SS18L1: variants seen among roughly 807,000 people sequenced by gnomAD.
SS18L1 encodes SS18L1 subunit of BAF chromatin remodeling complex, also known as calcium-responsive transactivator.
In SS18L1, 32 loss-of-function variants were observed where a neutral mutation model predicts 70.3. The observed-to-expected ratio is 0.46, with a 90% CI of 0.34 to 0.61. The LOEUF (loss-of-function observed/expected upper bound fraction) is 0.61. SS18L1 is among the 20% of genes least tolerant of loss of function. SS18L1 has a pLI of 0.01. For missense variants in SS18L1, 430 were observed against 542.1 expected (o/e 0.79, Z 2.05); for synonymous variants, 237 against 229.7 (o/e 1.03, Z -0.29).
intron 1 of SS18L1, among the ~76,000 whole-genome samples, chr20:62,150,425 C>T (rs899159230): frequency 6.6e-6 from 1 of 152,176 alleles, no homozygotes; most frequent in African/African-American, 2.4e-5. Context: ...ACCAGCTCTC[C>T]GGTTAGCCAG....
At chr20:62,173,236 G>A (rs925010608) in intron 9 of SS18L1, among the ~76,000 whole-genome samples, 2 of 152,180 alleles carry the variant, frequency 1.3e-5, no homozygotes, top group African/African-American at 4.8e-5. Flanking sequence ...AGCCTTCACT[G>A]CAGCTTACAA....
intron 5 of SS18L1, 30 bp from the exon 6 acceptor site, chr20:62,163,428 G>A (rs1417481651): frequency 2.5e-6 from 4 of 1,610,970 alleles, no homozygotes; most frequent in South Asian, 1.1e-5. Flanking sequence ...GCTTCCCGGG[G>A]TGATGTGGGG....
At chr20:62,172,361 C>T (rs867628865) in intron 8 of SS18L1, among the ~76,000 whole-genome samples, 1 of 151,954 alleles carries the variant, frequency 6.6e-6, no homozygotes, top group Non-Finnish European at 1.5e-5. Flanking sequence ...CTGCAAAGAC[C>T]CTATGTCCAA....
Position 62,159,928 on chromosome 20 carries a change from C to T in SS18L1, c.198C>T (p.Asp66=), listed in dbSNP as rs568427390. The T allele has an allele frequency of 6.2e-6, 10 of 1,612,580 alleles. No homozygotes were observed. In the Admixed American group the frequency reaches 8.3e-5, roughly 13 times the overall value. The part of the protein sequence containing the change: ...RNLVYLATIA[D]SNQNMQSLLP... ...TGGTATACCTGGCCACGATCGCAGA[C>T]TCCAACCAGAACATGCAGTCCCTGC... Residue 66 remains aspartate, a synonymous_variant, in exon 3 of 11, where the codon GAC becomes GAT. Transcript: ENST00000331758. This position sits in a 1 kb window ranked among gnomAD's most constrained non-coding sequence, Gnocchi z 4.4.
chr20:62,179,246 G>C lies in SS18L1; in HGVS notation c.*38G>C. The C allele has an allele frequency of 6.2e-7, 1 of 1,613,778 alleles. No individual in the cohort carries two copies. The highest frequency in any genetic ancestry group is 8.5e-7 in the Non-Finnish European group (1 of 1,179,676). On this transcript the variant is annotated 3_prime_UTR_variant, in exon 11 of 11. Coordinates refer to ENST00000331758, the MANE Select transcript of SS18L1 (RefSeq NM_198935.3). ...CTGGCTGGAGCCCTTGTGGTAGCGTGTTCATCCAGGGGCCGGATGGGCTGG... is the reference window on the plus strand; with the variant it reads ...CTGGCTGGAGCCCTTGTGGTAGCGTCTTCATCCAGGGGCCGGATGGGCTGG...
At chr20:62,148,101 C>T (rs1377835494) in intron 1 of SS18L1, among the ~76,000 whole-genome samples, 1 of 152,220 alleles carries the variant, frequency 6.6e-6, no homozygotes, top group Non-Finnish European at 1.5e-5. Flanking sequence ...AGAGGCTCCC[C>T]CCACCCGAGA....
chr20:62,167,815 CTT>C (rs371641183), intron 8 of SS18L1, among the ~76,000 whole-genome samples: 25,699 of 144,392 alleles, frequency 0.18, 3,170 homozygotes, highest in African/African-American at 0.35. Context: ...GATGTAGCTA[CTT>C]TTTTTTTTTT....
At chr20:62,148,360 G>A in intron 1 of SS18L1, among the ~76,000 whole-genome samples, 1 of 150,372 alleles carries the variant, frequency 6.7e-6, no homozygotes, top group South Asian at 2.1e-4. Context: ...GTCAGGTGAG[G>A]GAGGCTCGGC....
At chr20:62,162,612 A>T in intron 4 of SS18L1, 140 bp from the exon 5 acceptor site, 1 of 859,550 alleles carries the variant, frequency 1.2e-6, no homozygotes, top group African/African-American at 1.7e-5. Context: ...CCACTTATTT[A>T]TTAGTCACTT....
intron 1 of SS18L1, among the ~76,000 whole-genome samples, chr20:62,147,947 C>G (rs1424096697): frequency 1.3e-5 from 2 of 152,174 alleles, no homozygotes; most frequent in Non-Finnish European, 2.9e-5. Flanking sequence ...TGTGCTCCCT[C>G]AGAAGTGGAA....
intron 8 of SS18L1, 46 bp from the exon 9 acceptor site, chr20:62,172,627 GAGCCCCCTT>G: frequency 6.2e-7 from 1 of 1,609,774 alleles, no homozygotes; most frequent in Non-Finnish European, 8.5e-7. Context: ...GCCACAGAAT[GAGCCCCCTT>G]AGCCCAGGTG....
At chr20:62,149,002 G>A (rs866293807) in intron 1 of SS18L1, among the ~76,000 whole-genome samples, 7 of 152,230 alleles carry the variant, frequency 4.6e-5, no homozygotes, top group African/African-American at 1.2e-4. Flanking sequence ...CTCGCTAGCC[G>A]GCGGTCCTGC....
chr20:62,173,650 G>C (rs2057570485), intron 9 of SS18L1, among the ~76,000 whole-genome samples: 1 of 151,502 alleles, frequency 6.6e-6, no homozygotes, highest in Non-Finnish European at 1.5e-5. Flanking sequence ...AGAGGTCGCA[G>C]TGAGCCGAGA....
At chr20:62,173,623 T>C (rs985112541) in intron 9 of SS18L1, among the ~76,000 whole-genome samples, 4 of 151,994 alleles carry the variant, frequency 2.6e-5, no homozygotes, top group Non-Finnish European at 5.9e-5. Flanking sequence ...ACAGGAGAAT[T>C]GCTTGAACCA....
rs2057385910 is a variant in SS18L1 at position 62,164,216 on chromosome 20, G to T, written c.793G>T (p.Glu265Ter). The stretch of plus-strand genomic sequence containing the variant: ...GTACAGCCACAGCCAGGGCGCCGCG[G>T]AGCCCATGGGCCAGCAGTACTACCC... Reference protein sequence around the residue: ...EQYSHSQGAAEPMGQQYYPDG... With the variant: ...EQYSHSQGAA The change falls in exon 7 of 11, where the codon GAG becomes TAG. Residue 265 changes from glutamate to a stop codon, truncating the protein, a stop_gained. Coordinates refer to ENST00000331758, the MANE Select transcript of SS18L1 (RefSeq NM_198935.3). LOFTEE classifies it high-confidence loss of function. The T allele has an allele frequency of 6.5e-7, 1 of 1,549,628 alleles. No individual in the cohort carries two copies. The highest frequency in any genetic ancestry group is 2.0e-5 in the Admixed American group (1 of 50,966).
Position 62,158,607 on chromosome 20 carries a change from G to A in SS18L1, c.70-65G>A. On this transcript the variant is annotated intron_variant, in intron 1 of 10. Transcript: ENST00000331758. The surrounding 1 kb of genome is among the most constrained non-coding windows in gnomAD (Gnocchi z 4.5). Reference sequence around the variant, plus strand: ...TATGAAAACTAGATGTGTAGCGATGGCTGTTCATCCCGAGGGTCAGCGACA... The same window carrying A: ...TATGAAAACTAGATGTGTAGCGATGACTGTTCATCCCGAGGGTCAGCGACA... 4 of 1,584,142 alleles carry A rather than the reference G, an allele frequency of 2.5e-6. No individual in the cohort carries two copies. The South Asian group carries it at 4.5e-5, about 18-fold the overall frequency.
Position 62,181,290 on chromosome 20 carries a change from C to T in SS18L1, c.*2082C>T, listed in dbSNP as rs1482281385. The T allele has an allele frequency of 9.6e-6, 2 of 209,306 alleles. No individual in the cohort carries two copies. The highest frequency in any genetic ancestry group is 7.2e-5 in the East Asian group (1 of 13,796). 13.0% of individuals were successfully genotyped at this position (209,306 alleles called of 1,614,324 possible). ...GTTCTTAATTGCTAATTGACAAACG[C>T]GTTAGCAATTTCAGTTAGGGAGTCA... On this transcript the variant is annotated 3_prime_UTR_variant, in exon 11 of 11. Coordinates refer to ENST00000331758, the MANE Select transcript of SS18L1 (RefSeq NM_198935.3).
rs2145801696 is a variant in SS18L1, at chr20:62,180,132, A to T, written c.*924A>T. 1 of 209,612 alleles carries T rather than the reference A, an allele frequency of 4.8e-6. No individual in the cohort carries two copies. The highest frequency in any genetic ancestry group is 1.9e-4 in the South Asian group (1 of 5,308). The allele number at this position is 209,612 out of a possible 1,614,324, so 13.0% of individuals were successfully genotyped here. On this transcript the variant is annotated 3_prime_UTR_variant, in exon 11 of 11. Coordinates refer to ENST00000331758, the MANE Select transcript of SS18L1 (RefSeq NM_198935.3). ...AATATTCAAACCAAATCTTCCCAAC[A>T]GTTGGCAAGTTGTTTATTTTATATT... is the stretch of plus-strand genomic sequence containing the variant.
rs922840418 is a variant in SS18L1 at position 62,179,763 on chromosome 20, G to A, written c.*555G>A. 2.2e-5 allele frequency: 5 copies of A among 231,684 alleles called. No homozygotes were observed. Among genetic ancestry groups the A allele is most frequent in the African/African-American group, 4.4e-5 (2 of 45,192 alleles). 14.4% of individuals were successfully genotyped at this position (231,684 alleles called of 1,614,324 possible). On this transcript the variant is annotated 3_prime_UTR_variant, in exon 11 of 11. Coordinates refer to ENST00000331758, the MANE Select transcript of SS18L1 (RefSeq NM_198935.3). ...TGTGCGTTGGGTCAGTTTCTGTTAC[G>A]TAACGAAAAGGATAAACATCTCCCA...
Sources: allele counts gnomAD v4.1 joint callset (sites outside exome capture counted in the v4.1 genomes callset), GRCh38; gene constraint gnomAD v4.1.1; non-coding constraint Gnocchi (gnomAD v3.1); transcripts MANE v1.5; gene names NCBI Gene and HGNC (gene_info 2026-07-23, HGNC 2026-07-21).